The following LRRC20 variants were observed in gnomAD, a reference collection of about 807,000 sequenced individuals.
The protein encoded by LRRC20 is leucine-rich repeat-containing protein 20.
Under a neutral mutation model 14.4 loss-of-function variants are expected in LRRC20, and 11 were observed. That is an observed-to-expected ratio of 0.77 (90% confidence interval 0.48 to 1.27). LRRC20 has a LOEUF of 1.27. Among genes scored for constraint, LRRC20 ranks in the 50% most tolerant of loss-of-function variants. The probability of loss-of-function intolerance (pLI) is 0.00; values close to 1 mark genes in which losing one functional copy is unlikely to be tolerated. For missense variants in LRRC20, 219 were observed against 251.2 expected (o/e 0.87, Z 0.87); for synonymous variants, 121 against 107.3 (o/e 1.13, Z -0.79).
chr10:70,376,543 G>A lies in LRRC20; in HGVS notation c.-10C>T, dbSNP rs1358024837. On this transcript the variant is annotated 5_prime_UTR_variant, in exon 2 of 5. Coordinates refer to ENST00000446961, the MANE Select transcript of LRRC20 (RefSeq NM_001278212.2). ...CCATCTTCTTCAGCATGCAGACACA[G>A]GTGTCCTGCCGCCAGCCCCCAGGCT... is the stretch of plus-strand genomic sequence containing the variant. 6.2e-7 allele frequency: 1 copy of A among 1,612,654 alleles called. No individual in the cohort carries two copies.
At chr10:70,364,795 A>T (rs1231335270) in intron 2 of LRRC20, among the ~76,000 whole-genome samples, 1 of 152,136 alleles carries the variant, frequency 6.6e-6, no homozygotes, top group Non-Finnish European at 1.5e-5. Flanking sequence ...TCCCTGTTTG[A>T]TTCCACAGCT....
Position 70,365,601 on chromosome 10 carries a change from G to A in LRRC20, c.82+10851C>T, listed in dbSNP as rs561969394. On this transcript the variant is annotated intron_variant, in intron 2 of 4. Coordinates refer to ENST00000446961, the MANE Select transcript of LRRC20 (RefSeq NM_001278212.2). ...AGCTACTCTGGAAGCTGAAATAGGA[G>A]GATCTCTTGAGCCCAGGAGTTCCAG... 1.8e-4 allele frequency among the ~76,000 whole-genome samples: 27 copies of A among 152,274 alleles called. 1 individual carries two copies. In the East Asian group the frequency reaches 4.4e-3, roughly 25 times the overall value.
intron 2 of LRRC20, among the ~76,000 whole-genome samples, chr10:70,350,128 C>A (rs974557805): frequency 6.6e-6 from 1 of 151,600 alleles, no homozygotes; most frequent in Non-Finnish European, 1.5e-5. Context: ...TCATTTAGTG[C>A]TAAATGGCGG....
At chr10:70,339,496 G>GGGGTCCAT (rs1245391848) in intron 3 of LRRC20, among the ~76,000 whole-genome samples, 1 of 152,128 alleles carries the variant, frequency 6.6e-6, no homozygotes, top group Admixed American at 6.5e-5. Context: ...GCATGGAGTT[G>GGGGTCCAT]GGGTCCATGT....
At chr10:70,359,969 T>G (rs1843664093) in intron 2 of LRRC20, among the ~76,000 whole-genome samples, 1 of 150,536 alleles carries the variant, frequency 6.6e-6, no homozygotes, top group Non-Finnish European at 1.5e-5. Flanking sequence ...CAGGCTGGAG[T>G]GCAGTGGCGT....
intron 2 of LRRC20, among the ~76,000 whole-genome samples, chr10:70,369,571 T>G (rs1477990303): frequency 5.8e-5 from 7 of 120,028 alleles, no homozygotes; most frequent in Non-Finnish European, 1.6e-5. Context: ...GTCACTGCAC[T>G]CCAGCGCCTG....
At chr10:70,307,388 G>A (rs1589936713) in intron 4 of LRRC20, among the ~76,000 whole-genome samples, 1 of 152,214 alleles carries the variant, frequency 6.6e-6, no homozygotes, top group Non-Finnish European at 1.5e-5. Flanking sequence ...ATGAATATGT[G>A]TATATACCTC....
Position 70,301,087 on chromosome 10 carries a change from A to G in LRRC20, c.*267T>C. On this transcript the variant is annotated 3_prime_UTR_variant, in exon 5 of 5. Coordinates refer to ENST00000446961, the MANE Select transcript of LRRC20 (RefSeq NM_001278212.2). ...GTTTTTTTCAAGTGACAAGGCTCAG[A>G]GAGGGCAGGAGATCTGCCTGAGTTT... 7.9e-7 allele frequency: 1 copy of G among 1,263,740 alleles called. No individual in the cohort carries two copies. The highest frequency in any genetic ancestry group is 1.5e-5 in the African/African-American group (1 of 65,372). 78.3% of individuals were successfully genotyped at this position (1,263,740 alleles called of 1,614,324 possible).
intron 2 of LRRC20, among the ~76,000 whole-genome samples, chr10:70,357,559 C>T (rs1843571444): frequency 6.6e-6 from 1 of 152,038 alleles, no homozygotes; most frequent in Non-Finnish European, 1.5e-5. Flanking sequence ...CTCTGTCATC[C>T]CTGGAGGAGA....
intron 2 of LRRC20, among the ~76,000 whole-genome samples, chr10:70,355,211 A>C (rs1190185245): frequency 1.3e-5 from 2 of 152,238 alleles, no homozygotes; most frequent in African/African-American, 2.4e-5. Flanking sequence ...GGGCACAATT[A>C]GGCATCACTT....
At chr10:70,301,751 C>A (rs1374183833) in intron 4 of LRRC20, among the ~76,000 whole-genome samples, 1 of 152,168 alleles carries the variant, frequency 6.6e-6, no homozygotes, top group African/African-American at 2.4e-5. Flanking sequence ...AAAAGTTAAA[C>A]GTAGGATTGC....
chr10:70,368,067 T>C (rs950834398), intron 2 of LRRC20, among the ~76,000 whole-genome samples: 2 of 145,940 alleles, frequency 1.4e-5, no homozygotes, highest in Non-Finnish European at 3.0e-5. Flanking sequence ...CACTGCAACC[T>C]CCACCTCCCA....
intron 2 of LRRC20, among the ~76,000 whole-genome samples, chr10:70,350,673 C>T (rs1016209242): frequency 6.6e-6 from 1 of 152,198 alleles, no homozygotes; most frequent in African/African-American, 2.4e-5. Flanking sequence ...AGCAGGACTT[C>T]CCTGCCAACC....
intron 4 of LRRC20, among the ~76,000 whole-genome samples, chr10:70,317,820 G>A (rs978171466): frequency 2.6e-5 from 4 of 152,202 alleles, no homozygotes; most frequent in African/African-American, 9.6e-5. Context: ...GGCAGGTCAA[G>A]GCACCCTCCC....
intron 1 of LRRC20, among the ~76,000 whole-genome samples, chr10:70,377,859 A>G (rs751247171): frequency 7.9e-5 from 12 of 152,248 alleles, no homozygotes; most frequent in Admixed American, 6.5e-4. Flanking sequence ...GGCTGACACT[A>G]AAGGTTTGAG....
chr10:70,309,758 C>T (rs1205563660), intron 4 of LRRC20, among the ~76,000 whole-genome samples: 1 of 152,272 alleles, frequency 6.6e-6, no homozygotes, highest in Non-Finnish European at 1.5e-5. Context: ...CTCTGTCCCT[C>T]ACCTGGGAAG....
chr10:70,357,214 G>T (rs2137084260), intron 2 of LRRC20, among the ~76,000 whole-genome samples: 1 of 152,320 alleles, frequency 6.6e-6, no homozygotes, highest in South Asian at 2.1e-4. Context: ...ATCAGGAAAT[G>T]GGAAAGGACT....
chr10:70,308,830 G>A (rs1180366894), intron 4 of LRRC20, among the ~76,000 whole-genome samples: 3 of 152,194 alleles, frequency 2.0e-5, no homozygotes, highest in Non-Finnish European at 4.4e-5. Flanking sequence ...TGCTAGGAGT[G>A]CCCACTCACC....
intron 3 of LRRC20, among the ~76,000 whole-genome samples, chr10:70,328,742 ACT>A (rs1842421911): frequency 6.6e-6 from 1 of 152,026 alleles, no homozygotes; most frequent in South Asian, 2.1e-4. Flanking sequence ...ACATGGTGAA[ACT>A]CTGTCTCTAC....
Sources: gnomAD v4.1 joint callset for allele counts (sites outside exome capture counted in the v4.1 genomes callset) on GRCh38, gnomAD v4.1.1 for gene constraint, MANE v1.5 for transcripts, NCBI Gene and HGNC (gene_info 2026-07-23, HGNC 2026-07-21) for gene names.